Variants in NRXN3 observed in about 807,000 individuals in gnomAD.
NRXN3 encodes neurexin 3.
A neutral mutation model predicts 137.6 loss-of-function variants in NRXN3; 32 were observed. The observed-to-expected ratio is 0.23, with a 90% CI of 0.18 to 0.31. NRXN3 has a LOEUF of 0.31. NRXN3 is among the 10% of genes least tolerant of loss of function. NRXN3 has a pLI of 1.00. For synonymous variants in NRXN3, 798 were observed against 784.5 expected (o/e 1.02, Z -0.29); for missense variants, 1,574 against 2,062.5 (o/e 0.76, Z 4.59).
chr14:79,568,238 G>C (rs1416170171), intron 16 of NRXN3, among the ~76,000 whole-genome samples: 2 of 152,138 alleles, frequency 1.3e-5, no homozygotes, highest in African/African-American at 2.4e-5. Context: ...TTGGAGTTCA[G>C]ATGGAGAAGA....
At chr14:79,740,743 T>TATATATATAA (rs1568073914) in intron 19 of NRXN3, among the ~76,000 whole-genome samples, 24 of 48,260 alleles carry the variant, frequency 5.0e-4, no homozygotes, top group Non-Finnish European at 9.1e-4. Flanking sequence ...TATATATATA[T>TATATATATAA]ATATATATAT....
intron 15 of NRXN3, among the ~76,000 whole-genome samples, chr14:79,161,122 G>T (rs1486289745): frequency 6.6e-6 from 1 of 151,880 alleles, no homozygotes; most frequent in African/African-American, 2.4e-5. Context: ...ATAATGCACA[G>T]ACTTGAATTC....
chr14:78,430,303 GC>G (rs1167521583), intron 4 of NRXN3, among the ~76,000 whole-genome samples: 1 of 152,226 alleles, frequency 6.6e-6, no homozygotes, highest in African/African-American at 2.4e-5. Flanking sequence ...AATCACTGAT[GC>G]TTGAGTCTTG....
chr14:78,950,533 T>C (rs1278682062), intron 10 of NRXN3, among the ~76,000 whole-genome samples: 1 of 152,062 alleles, frequency 6.6e-6, no homozygotes, highest in African/African-American at 2.4e-5. Context: ...TTAGGGGCAC[T>C]CTTTTTTCTA....
intron 8 of NRXN3, among the ~76,000 whole-genome samples, chr14:78,796,074 G>A (rs997686381): frequency 6.6e-6 from 1 of 152,228 alleles, no homozygotes; most frequent in Admixed American, 6.5e-5. Context: ...CCAGATTCAT[G>A]TTGCAGAAGC....
chr14:78,601,946 A>G (rs1049821714), intron 4 of NRXN3, among the ~76,000 whole-genome samples: 2 of 152,176 alleles, frequency 1.3e-5, no homozygotes, highest in Admixed American at 6.5e-5. Flanking sequence ...TTTACCTTGG[A>G]AAGTCTGGTC....
intron 1 of NRXN3, among the ~76,000 whole-genome samples, chr14:78,171,683 A>AT (rs1411194738): frequency 6.6e-6 from 1 of 151,158 alleles, no homozygotes; most frequent in Non-Finnish European, 1.5e-5. Flanking sequence ...CAGTGATGTA[A>AT]TACCAACCTA....
At chr14:79,155,839 G>T (rs1303580082) in intron 15 of NRXN3, among the ~76,000 whole-genome samples, 2 of 151,890 alleles carry the variant, frequency 1.3e-5, no homozygotes, top group Admixed American at 6.6e-5. Flanking sequence ...GAATGATTCA[G>T]TGTATTTTTT....
At chr14:78,282,079 G>A in intron 3 of NRXN3, 1 of 477,418 alleles carries the variant, frequency 2.1e-6, no homozygotes, top group Non-Finnish European at 4.2e-6. Context: ...AGTGCAAACT[G>A]AGGCCCAAGA....
chr14:78,833,835 T>C (rs968744066), intron 10 of NRXN3, among the ~76,000 whole-genome samples: 4 of 152,294 alleles, frequency 2.6e-5, no homozygotes, highest in Non-Finnish European at 4.4e-5. Flanking sequence ...CCCTTTGAAG[T>C]GAGGAATCTT....
rs115767232 is a variant in NRXN3 at position 78,554,247 on chromosome 14, T to G, written c.758-90873T>G. ...GCTTACAAAGAGAGAAGGGAGAGAATACATTGAACCTATTCAGCTTGGCGG... is the reference window on the plus strand; with the variant it reads ...GCTTACAAAGAGAGAAGGGAGAGAAGACATTGAACCTATTCAGCTTGGCGG... On this transcript the variant is annotated intron_variant, in intron 4 of 20. Transcript: ENST00000335750. 2.7e-3 allele frequency among the ~76,000 whole-genome samples: 413 copies of G among 152,284 alleles called. 2 individuals carry two copies. The highest frequency in any genetic ancestry group is 9.5e-3 in the African/African-American group (393 of 41,564).
At chr14:78,299,596 G>A (rs886819513) in intron 4 of NRXN3, among the ~76,000 whole-genome samples, 7 of 152,214 alleles carry the variant, frequency 4.6e-5, no homozygotes, top group Middle Eastern at 3.4e-3. Context: ...TCACATCATA[G>A]GGCAGAGTGT....
intron 8 of NRXN3, among the ~76,000 whole-genome samples, chr14:78,751,406 G>A (rs1235039607): frequency 1.3e-5 from 2 of 151,668 alleles, no homozygotes; most frequent in African/African-American, 4.9e-5. Flanking sequence ...ATTAACTCAG[G>A]GGAGGAGTCC....
At chr14:79,722,582 CTGCCT>C (rs1311347444) in intron 19 of NRXN3, among the ~76,000 whole-genome samples, 3 of 152,070 alleles carry the variant, frequency 2.0e-5, no homozygotes, top group Non-Finnish European at 4.4e-5. Context: ...TCTTTGTCTT[CTGCCT>C]TGCTTCACAC....
rs2099186978 is a variant in NRXN3, at chr14:79,802,803, A to G, written c.4015-2309A>G. On this transcript the variant is annotated intron_variant, in intron 19 of 20. Coordinates refer to ENST00000335750, the MANE Select transcript of NRXN3 (RefSeq NM_001330195.2). ...CTAACACAAATAACAGCCCCCCAGGATGTAACTACCAGTTTCAGTTGCTGG... is the reference window on the plus strand; with the variant it reads ...CTAACACAAATAACAGCCCCCCAGGGTGTAACTACCAGTTTCAGTTGCTGG... Among the ~76,000 whole-genome samples, 3 of 152,172 alleles carry G rather than the reference A, an allele frequency of 2.0e-5. No homozygotes were observed. The South Asian group carries it at 6.2e-4, about 32-fold the overall frequency.
At chr14:79,385,921 A>G (rs1251096469) in intron 15 of NRXN3, among the ~76,000 whole-genome samples, 1 of 151,882 alleles carries the variant, frequency 6.6e-6, no homozygotes, top group Non-Finnish European at 1.5e-5. Flanking sequence ...CATGCTAAAA[A>G]CTCAATAAAT....
At chr14:78,225,960 T>TGTGTGTGA (rs1272843988) in intron 1 of NRXN3, among the ~76,000 whole-genome samples, 5 of 132,688 alleles carry the variant, frequency 3.8e-5, no homozygotes, top group African/African-American at 1.6e-4. Flanking sequence ...TTGGTGTGTG[T>TGTGTGTGA]GTGTGTGTGT....
intron 10 of NRXN3, among the ~76,000 whole-genome samples, chr14:78,939,088 G>A (rs2099348078): frequency 6.6e-6 from 1 of 151,514 alleles, no homozygotes; most frequent in African/African-American, 2.4e-5. Flanking sequence ...CTCGTGATCC[G>A]CCCGCCTCGG....
intron 2 of NRXN3, among the ~76,000 whole-genome samples, chr14:78,277,685 A>G (rs2073801356): frequency 6.6e-6 from 1 of 152,006 alleles, no homozygotes; most frequent in African/African-American, 2.4e-5. Flanking sequence ...GCTGTGGTAT[A>G]TCCTCTCAGG....
Sources: allele counts gnomAD v4.1 joint callset (sites outside exome capture counted in the v4.1 genomes callset), GRCh38; gene constraint gnomAD v4.1.1; transcripts MANE v1.5; gene names NCBI Gene and HGNC (gene_info 2026-07-23, HGNC 2026-07-21).